MGLL: variants seen among roughly 807,000 people sequenced by gnomAD.
MGLL encodes the protein monoglyceride lipase.
In MGLL, 7 loss-of-function variants were observed where a neutral mutation model predicts 29.1. The observed-to-expected ratio is 0.24, with a 90% CI of 0.14 to 0.45. MGLL has a LOEUF of 0.45. Ranked by LOEUF, MGLL falls within the 20% of genes least tolerant of loss-of-function variation. The pLI is 0.99. For missense variants in MGLL, 356 were observed against 413.6 expected, an observed-to-expected ratio of 0.86 and a Z score of 1.21; for synonymous variants, 148 against 168.3, an observed-to-expected ratio of 0.88 and a Z score of 0.93.
intron 2 of MGLL, among the ~76,000 whole-genome samples, chr3:127,810,732 A>G (rs2077647546): frequency 6.6e-6 from 1 of 152,244 alleles, no homozygotes; most frequent in African/African-American, 2.4e-5. Flanking sequence ...CAGAAGTGAA[A>G]GGGGCCACGT....
intron 3 of MGLL, among the ~76,000 whole-genome samples, chr3:127,752,266 T>G (rs2076573613): frequency 2.0e-5 from 3 of 152,100 alleles, no homozygotes; most frequent in Non-Finnish European, 4.4e-5. Flanking sequence ...CCAGCTAATT[T>G]TTTTGTATTT....
intron 3 of MGLL, among the ~76,000 whole-genome samples, chr3:127,756,514 G>A (rs1042549858): frequency 6.6e-6 from 1 of 152,016 alleles, no homozygotes; most frequent in African/African-American, 2.4e-5. Context: ...ACCCATCCCC[G>A]ATCAGCCCTG....
chr3:127,813,372 G>A (rs2077698345), intron 2 of MGLL, among the ~76,000 whole-genome samples: 1 of 152,082 alleles, frequency 6.6e-6, no homozygotes, highest in Non-Finnish European at 1.5e-5. Flanking sequence ...GCACTTATTA[G>A]CAGCCTCGGC....
At chr3:127,745,450 A>G (rs185850638) in intron 3 of MGLL, among the ~76,000 whole-genome samples, 29 of 152,350 alleles carry the variant, frequency 1.9e-4, no homozygotes, top group African/African-American at 7.0e-4. Flanking sequence ...TTAGGCACAG[A>G]AAGTCAAACG....
At chr3:127,738,697 C>T (rs1003395058) in intron 3 of MGLL, among the ~76,000 whole-genome samples, 11 of 152,176 alleles carry the variant, frequency 7.2e-5, no homozygotes, top group Admixed American at 6.5e-5. Flanking sequence ...CCAGTCCAGC[C>T]CCTGTAGGAG....
rs1261761377 is a variant in MGLL, at chr3:127,691,930, T to C, written c.*268A>G. ...GGCAGAGGCTTGGCTTTGTTTTCAGTGGACATTTTAGCACATTCTTTGTGG... is the reference window on the plus strand; with the variant it reads ...GGCAGAGGCTTGGCTTTGTTTTCAGCGGACATTTTAGCACATTCTTTGTGG... On this transcript the variant is annotated 3_prime_UTR_variant, in exon 8 of 8. Transcript: ENST00000265052. 2.1e-6 allele frequency: 1 copy of C among 476,040 alleles called. No individual in the cohort carries two copies. 29.5% of individuals were successfully genotyped at this position (476,040 alleles called of 1,614,324 possible). A position where few individuals can be genotyped will look rare whatever the true frequency, so the allele number is the denominator to read the frequency against.
At chr3:127,765,327 G>A (rs1472489676) in intron 3 of MGLL, among the ~76,000 whole-genome samples, 1 of 152,204 alleles carries the variant, frequency 6.6e-6, no homozygotes, top group Non-Finnish European at 1.5e-5. Flanking sequence ...TCATCTGAGA[G>A]ACCGTATGAA....
intron 3 of MGLL, among the ~76,000 whole-genome samples, chr3:127,730,654 C>A (rs910472610): frequency 1.3e-5 from 2 of 152,182 alleles, no homozygotes; most frequent in Non-Finnish European, 2.9e-5. Context: ...AGGCAACATA[C>A]CCCTTCCATA....
At chr3:127,765,660 C>A (rs562446139) in intron 3 of MGLL, among the ~76,000 whole-genome samples, 1 of 152,324 alleles carries the variant, frequency 6.6e-6, no homozygotes, top group South Asian at 2.1e-4. Flanking sequence ...AAAACAAGTT[C>A]AACAGTGGGT....
At chr3:127,799,526 A>G (rs1161317259) in intron 2 of MGLL, 1 of 152,242 alleles carries the variant, frequency 6.6e-6, no homozygotes, top group Non-Finnish European at 1.5e-5. Context: ...GCATTTTGCC[A>G]GCTGTATCCT....
chr3:127,767,552 C>T (rs2076880044), intron 3 of MGLL, among the ~76,000 whole-genome samples: 1 of 152,192 alleles, frequency 6.6e-6, no homozygotes, highest in Non-Finnish European at 1.5e-5. Context: ...ACATGGTAGG[C>T]ACTCGATGAA....
At chr3:127,813,160 T>C (rs917092555) in intron 2 of MGLL, among the ~76,000 whole-genome samples, 1 of 152,054 alleles carries the variant, frequency 6.6e-6, no homozygotes, top group African/African-American at 2.4e-5. Context: ...TGCCCTTCCA[T>C]CTCTTTCCCT....
intron 3 of MGLL, among the ~76,000 whole-genome samples, chr3:127,767,098 A>C (rs1092128): frequency 0.97 from 147,251 of 151,972 alleles, 71,465 homozygotes; most frequent in Non-Finnish European, 1. Flanking sequence ...AACAAAAAAA[A>C]CCCCAAAAAA....
chr3:127,807,528 T>C (rs2077587228), intron 2 of MGLL, among the ~76,000 whole-genome samples: 2 of 152,110 alleles, frequency 1.3e-5, no homozygotes, highest in South Asian at 4.1e-4. Flanking sequence ...AACTTGCTCT[T>C]CTTTTTTCAG....
chr3:127,708,482 C>T (rs1393269979), intron 6 of MGLL, among the ~76,000 whole-genome samples: 2 of 152,042 alleles, frequency 1.3e-5, no homozygotes, highest in South Asian at 2.1e-4. Flanking sequence ...TGAGTAAGAC[C>T]GAAGAATTTC....
intron 6 of MGLL, among the ~76,000 whole-genome samples, chr3:127,706,914 C>T (rs560926171): frequency 5.3e-5 from 8 of 152,236 alleles, no homozygotes; most frequent in Non-Finnish European, 7.4e-5. Flanking sequence ...TTCCAAGACC[C>T]GGCAGGAGCC....
At chr3:127,785,639 T>C (rs1227776384) in intron 2 of MGLL, among the ~76,000 whole-genome samples, 1 of 152,238 alleles carries the variant, frequency 6.6e-6, no homozygotes, top group African/African-American at 2.4e-5. Context: ...AGTCGCCTGA[T>C]GGCCCTTGGC....
intron 3 of MGLL, among the ~76,000 whole-genome samples, chr3:127,755,639 A>G (rs1167128978): frequency 2.6e-5 from 4 of 152,236 alleles, no homozygotes; most frequent in Non-Finnish European, 5.9e-5. Flanking sequence ...TGCGGGCCCC[A>G]GAGAATGCAT....
intron 6 of MGLL, among the ~76,000 whole-genome samples, chr3:127,699,059 G>A (rs982512766): frequency 6.6e-6 from 1 of 152,236 alleles, no homozygotes; most frequent in African/African-American, 2.4e-5. Context: ...TTTCCCCGGG[G>A]TGGGGGTTGG....
Sources: gnomAD v4.1 joint callset for allele counts (sites outside exome capture counted in the v4.1 genomes callset) on GRCh38, gnomAD v4.1.1 for gene constraint, MANE v1.5 for transcripts, NCBI Gene and HGNC (gene_info 2026-07-23, HGNC 2026-07-21) for gene names.